The following TJP2 variants were observed in gnomAD, a reference collection of about 807,000 sequenced individuals.
TJP2 encodes Friedreich ataxia region gene X104 (tight junction protein ZO-2).
A neutral mutation model predicts 133.1 loss-of-function variants in TJP2; 91 were observed. That is an observed-to-expected ratio of 0.68 (90% CI 0.58 to 0.81). The LOEUF is 0.81. Ranked by LOEUF, TJP2 falls within the 40% of genes least tolerant of loss-of-function variation. TJP2 has a pLI of 0.00. For missense variants in TJP2, 1,541 were observed against 1,565.6 expected, an observed-to-expected ratio of 0.98 and a Z score of 0.26; for synonymous variants, 592 against 583.4, an observed-to-expected ratio of 1.01 and a Z score of -0.21.
chr9:69,247,831 C>T lies in TJP2; in HGVS notation c.2668-181C>T, dbSNP rs376071439. ...CCTAATTTGAGTTCCTGCACAAAAA[C>T]GACCATAATATCAACATTGTACCAA... On this transcript the variant is annotated intron_variant, in intron 18 of 22. Coordinates refer to ENST00000377245, the MANE Select transcript of TJP2 (RefSeq NM_004817.4). Among the ~76,000 whole-genome samples the T allele has an allele frequency of 1.2e-4, 19 of 152,244 alleles. No individual in the cohort carries two copies. In the East Asian group the frequency reaches 1.7e-3, roughly 14 times the overall value.
At chr9:69,182,750 C>T (rs1452186748) in intron 1 of TJP2, among the ~76,000 whole-genome samples, 1 of 150,846 alleles carries the variant, frequency 6.6e-6, no homozygotes, top group Non-Finnish European at 1.5e-5. Flanking sequence ...TATACATATA[C>T]ACACACACAA....
intron 10 of TJP2, 68 bp downstream of exon 10, chr9:69,229,318 G>C: frequency 6.6e-7 from 1 of 1,522,530 alleles, no homozygotes; most frequent in Non-Finnish European, 9.1e-7. Flanking sequence ...CTGAAATCCA[G>C]AAGAGTGGTG....
At position 69,240,145 on chromosome 9, in the gene TJP2, C is replaced by T; in HGVS notation, c.2564C>T (p.Thr855Ile). 6.2e-7 allele frequency: 1 copy of T among 1,612,860 alleles called. No individual in the cohort carries two copies. Among genetic ancestry groups the T allele is most frequent in the African/African-American group, 1.3e-5 (1 of 74,964 alleles). ...KLKKTCAHLF[T>I]ATINLNSAND... ...AAAAAAACGTGTGCACACCTTTTTA[C>T]AGGTAAGTGAAATGTAAATGTAGTC... The change falls in exon 17 of 23, where the codon ACA becomes ATA. Residue 855 changes from threonine (T) to isoleucine (I), a missense_variant and splice_region_variant. Thr to Ile is a moderately conservative substitution (Grantham distance 89). Coordinates refer to ENST00000377245, the MANE Select transcript of TJP2 (RefSeq NM_004817.4).
In TJP2 at chr9:69,236,034, G is replaced by C; in HGVS notation, c.1787G>C (p.Arg596Thr). 6.2e-7 allele frequency: 1 copy of C among 1,614,132 alleles called. No homozygotes were observed. Among genetic ancestry groups the C allele is most frequent in the Non-Finnish European group, 8.5e-7 (1 of 1,180,002 alleles). Residue 596 changes from arginine (R) to threonine (T), a missense_variant, in exon 13 of 23, where the codon AGA becomes ACA. Arg to Thr is a moderately conservative substitution (Grantham distance 71). Coordinates refer to ENST00000377245, the MANE Select transcript of TJP2 (RefSeq NM_004817.4). ...ILAQSRADVY[R>T]DILACGRGDS... is the part of the protein sequence containing the mutation. ...CGATGCTTTTGTCTTTCAGTGTATA[G>C]AGACATCCTGGCTTGTGGCAGAGGG...
intron 1 of TJP2, among the ~76,000 whole-genome samples, chr9:69,186,315 T>G (rs1403179509): frequency 6.6e-6 from 1 of 152,192 alleles, no homozygotes; most frequent in Non-Finnish European, 1.5e-5. Flanking sequence ...TAGGCATACT[T>G]CTGTAGTACT....
rs746421726 is a variant in TJP2, at chr9:69,226,143, C to T, written c.1178C>T (p.Pro393Leu). ...RDSQQTLINI[P>L]SLNDSDSEIE... ...AGCCAGCAGACCCTCATCAACATCC[C>T]GTCATTAAATGACAGTGACTCAGAA... Residue 393 changes from proline to leucine, a missense_variant, in exon 7 of 23, where the codon CCG becomes CTG. Transcript: ENST00000377245. 5.6e-6 allele frequency: 9 copies of T among 1,614,080 alleles called. No homozygotes were observed. Among genetic ancestry groups the T allele is most frequent in the African/African-American group, 4.0e-5 (3 of 75,036 alleles).
chr9:69,196,952 C>T (rs569348908), intron 1 of TJP2, among the ~76,000 whole-genome samples: 51 of 149,184 alleles, frequency 3.4e-4, no homozygotes, highest in South Asian at 6.4e-4. Context: ...TGTGTACACA[C>T]ACACACACAC....
At chr9:69,148,373 C>CTT (rs780212434) in intron 1 of TJP2, among the ~76,000 whole-genome samples, 7 of 130,938 alleles carry the variant, frequency 5.3e-5, no homozygotes, top group South Asian at 2.5e-4. Context: ...CTCTGTAATA[C>CTT]TTTTTTTTTT....
At chr9:69,235,738 A>G (rs1830140230) in intron 12 of TJP2, among the ~76,000 whole-genome samples, 3 of 152,172 alleles carry the variant, frequency 2.0e-5, no homozygotes, top group African/African-American at 7.2e-5. Context: ...CTACCCATTT[A>G]TACGTGACTG....
chr9:69,192,109 A>G (rs1233145722), intron 1 of TJP2, among the ~76,000 whole-genome samples: 2 of 152,134 alleles, frequency 1.3e-5, no homozygotes, highest in African/African-American at 2.4e-5. Context: ...TTATATTAAT[A>G]TTAGAAACAC....
chr9:69,218,317 T>G lies in TJP2; in HGVS notation c.300T>G (p.Phe100Leu). Residue 100 changes from phenylalanine to leucine, a missense_variant, in exon 4 of 23, where the codon TTT (phenylalanine) becomes TTG (leucine). Phe to Leu is a conservative substitution (Grantham distance 22). Transcript: ENST00000377245. ...GTPMEDVLHS[F>L]AVQQLRKSGK... is the part of the protein sequence containing the mutation. ...CCATGGAGGATGTGCTTCATTCGTT[T>G]GCAGTTCAGCAGCTCAGAAAAAGTG... 1 of 1,614,258 alleles carries G rather than the reference T, an allele frequency of 6.2e-7. No homozygotes were observed. The highest frequency in any genetic ancestry group is 1.1e-5 in the South Asian group (1 of 91,088).
At chr9:69,235,951 A>T in intron 12 of TJP2, 77 bp from the exon 13 acceptor site, 2 of 1,349,170 alleles carry the variant, frequency 1.5e-6, no homozygotes, top group East Asian at 2.3e-5. Flanking sequence ...GATCAGAGAT[A>T]GGAGAAGCTG....
chr9:69,158,342 A>C (rs139779375), intron 2 of TJP2, among the ~76,000 whole-genome samples: 2,113 of 149,500 alleles, frequency 0.014, 58 homozygotes, highest in African/African-American at 0.05. Flanking sequence ...AAAAAAAAAA[A>C]AAAAAAAAAA....
intron 16 of TJP2, among the ~76,000 whole-genome samples, 169 bp downstream of exon 16, chr9:69,238,958 C>T (rs991149492): frequency 7.9e-5 from 12 of 152,084 alleles, no homozygotes; most frequent in Non-Finnish European, 1.2e-4. Context: ...GAGGCTGAGG[C>T]GGGTGGATCA....
At chr9:69,172,560 G>A (rs1482402226), upstream of TJP2, among the ~76,000 whole-genome samples, 1 of 152,124 alleles carries the variant, frequency 6.6e-6, no homozygotes, top group Admixed American at 6.5e-5. Context: ...CCGCTCTAGA[G>A]AGAAAAAAGG....
chr9:69,163,845 G>A (rs1824215933), intron 2 of TJP2, among the ~76,000 whole-genome samples: 1 of 152,054 alleles, frequency 6.6e-6, no homozygotes, highest in African/African-American at 2.4e-5. Flanking sequence ...TTTCTGTCTT[G>A]TGTCAGAGAA....
intron 5 of TJP2, among the ~76,000 whole-genome samples, chr9:69,222,288 T>C (rs1405965698): frequency 6.6e-6 from 1 of 151,832 alleles, no homozygotes; most frequent in East Asian, 1.9e-4. Flanking sequence ...GTGATTCTCC[T>C]GCCTCAGTCT....
At position 69,178,976 on chromosome 9, in the gene TJP2, AT is replaced by A. The variant is rs11415210; in HGVS notation, c.60+4554del. Among the ~76,000 whole-genome samples, 3 of 149,510 alleles carry A rather than the reference AT, an allele frequency of 2.0e-5. No homozygotes were observed. In the East Asian group the frequency reaches 5.9e-4, roughly 29 times the overall value. On this transcript the variant is annotated intron_variant, in intron 1 of 22. Coordinates refer to ENST00000377245, the MANE Select transcript of TJP2 (RefSeq NM_004817.4). ...CCAACTGGATGAGTTTTTTTTTCTT[AT>A]TTTTTTTTTAATATGAAGCTTGTAT...
At position 69,216,385 on chromosome 9, in the gene TJP2, A is replaced by AC; in HGVS notation, c.166dup (p.His56ProfsTer3). The AC allele has an allele frequency of 6.2e-7, 1 of 1,614,000 alleles. No homozygotes were observed. Among genetic ancestry groups the AC allele is most frequent in the Non-Finnish European group, 8.5e-7 (1 of 1,180,000 alleles). ...ATTGCAGTGTCCGGAGGCAGAGACA[A>AC]CCCCCACTTTGAAAATGGAGAAACG... On this transcript the variant is annotated frameshift_variant, in exon 3 of 23. Transcript: ENST00000377245. LOFTEE classifies it high-confidence loss of function.
Sources: gnomAD v4.1 joint callset for allele counts (sites outside exome capture counted in the v4.1 genomes callset) on GRCh38, gnomAD v4.1.1 for gene constraint, MANE v1.5 for transcripts, NCBI Gene and HGNC (gene_info 2026-07-23, HGNC 2026-07-21) for gene names.